Variants in BSCL2 observed in about 807,000 individuals in gnomAD.
BSCL2 encodes the protein BSCL2 lipid droplet biogenesis associated, seipin.
BSCL2 carries 41 observed loss-of-function variants against 57.4 expected under a neutral mutation model. The ratio of observed to expected loss-of-function variants is 0.71; its 90% confidence interval spans 0.56 to 0.93. BSCL2 has a LOEUF of 0.93. BSCL2 is among the 40% of genes least tolerant of loss of function. The pLI, the probability that BSCL2 is intolerant of heterozygous loss-of-function variation, is 0.00. For synonymous variants in BSCL2, 237 were observed against 227.3 expected, an observed-to-expected ratio of 1.04 and a Z score of -0.38; for missense variants, 539 against 586.7, an observed-to-expected ratio of 0.92 and a Z score of 0.84.
At chr11:62,693,525 C>T (rs981427266) in intron 4 of BSCL2, among the ~76,000 whole-genome samples, 2 of 152,102 alleles carry the variant, frequency 1.3e-5, no homozygotes, top group Non-Finnish European at 2.9e-5. Context: ...AAACATTAAA[C>T]AGCCACTATG....
chr11:62,700,931 C>T (rs746739707), intron 3 of BSCL2, among the ~76,000 whole-genome samples: 5 of 143,606 alleles, frequency 3.5e-5, no homozygotes, highest in Non-Finnish European at 7.5e-5. Flanking sequence ...CCAGTCTTGG[C>T]GACAGAGCAA....
chr11:62,697,117 G>A (rs962378146), intron 3 of BSCL2, among the ~76,000 whole-genome samples: 13 of 151,960 alleles, frequency 8.6e-5, no homozygotes, highest in South Asian at 6.2e-4. Context: ...CATGCCGGCC[G>A]GGCGCGGTGG....
At position 62,707,303 on chromosome 11, in the gene BSCL2, G is replaced by A. The variant is rs2083557620; in HGVS notation, c.-108C>T. 2 of 999,022 alleles carry A rather than the reference G, an allele frequency of 2.0e-6. No individual in the cohort carries two copies. The highest frequency in any genetic ancestry group is 1.6e-5 in the African/African-American group (1 of 62,530). The allele number at this position is 999,022 out of a possible 1,614,324, so 61.9% of individuals were successfully genotyped here. A position where few individuals can be genotyped will look rare whatever the true frequency, so the allele number is the denominator to read the frequency against. ...TACCTGTGGCGCATCACATTTTCCT[G>A]GATATGGAAAATGGAGGGTCCCTGG... On this transcript the variant is annotated 5_prime_UTR_variant, in exon 1 of 11. Transcript: ENST00000360796.
chr11:62,709,403 AAC>A (rs921809807), upstream of BSCL2: 2 of 453,996 alleles, frequency 4.4e-6, no homozygotes, highest in South Asian at 1.6e-5. Flanking sequence ...GCGAAGAGCA[AAC>A]ACACACACAC....
intron 3 of BSCL2, among the ~76,000 whole-genome samples, chr11:62,701,296 G>C (rs1218511959): frequency 6.6e-6 from 1 of 152,136 alleles, no homozygotes; most frequent in African/African-American, 2.4e-5. Context: ...ACCTGATACA[G>C]ATGGTCCTCA....
upstream of BSCL2, chr11:62,708,222 G>A: frequency 1.1e-6 from 1 of 940,472 alleles, no homozygotes; most frequent in South Asian, 1.3e-5. Context: ...GCCTTGTAAA[G>A]GTTGGTGTGG....
chr11:62,708,882 C>T (rs2083586780), upstream of BSCL2: 1 of 1,134,098 alleles, frequency 8.8e-7, no homozygotes, highest in Admixed American at 1.8e-5. Flanking sequence ...TTGTTGTGAG[C>T]CCCTTAGGCT....
At position 62,692,615 on chromosome 11, in the gene BSCL2, A is replaced by G. The variant is rs755254873; in HGVS notation, c.765+48T>C. On this transcript the variant is annotated intron_variant, in intron 5 of 10. Transcript: ENST00000360796. ...GGCTTCTCAGGTAGAATCCTGGGCTAATGGGAGGGGCTATCTCCTAGTCAT... is the reference window on the plus strand; with the variant it reads ...GGCTTCTCAGGTAGAATCCTGGGCTGATGGGAGGGGCTATCTCCTAGTCAT... 2.5e-6 allele frequency: 4 copies of G among 1,613,406 alleles called. No homozygotes were observed. The Admixed American group carries it at 6.7e-5, about 27-fold the overall frequency.
Position 62,690,645 on chromosome 11 carries a change from C to T in BSCL2, c.1201G>A (p.Gly401Arg), listed in dbSNP as rs138964424. 193 of 1,613,834 alleles carry T rather than the reference C, an allele frequency of 1.2e-4. No individual in the cohort carries two copies. Among genetic ancestry groups the T allele is most frequent in the Non-Finnish European group, 1.6e-4 (189 of 1,180,016 alleles). ...GCCTCAGGCTCTAGCTCCTCTTCTC[C>T]GCTCAGGGGCTGCTGATCTGGTTTC... is the stretch of plus-strand genomic sequence containing the variant. Reference protein sequence around the residue: ...EEKPDQQPLSGEEELEPEASD... With the variant: ...EEKPDQQPLSREEELEPEASD... Residue 401 changes from glycine to arginine, a missense_variant, in exon 10 of 11, where the codon GGA becomes AGA. By Grantham distance (125) the Gly-to-Arg change is moderately radical. This residue lies in a region of BSCL2 where 248 missense variants were observed against 239.9 expected (regional missense o/e 1.03). Coordinates refer to ENST00000360796, the MANE Select transcript of BSCL2 (RefSeq NM_001122955.4).
At position 62,702,268 on chromosome 11, in the gene BSCL2, G is replaced by A. The variant is rs187887018; in HGVS notation, c.486+200C>T. On this transcript the variant is annotated intron_variant, in intron 3 of 10. Coordinates refer to ENST00000360796, the MANE Select transcript of BSCL2 (RefSeq NM_001122955.4). ...TTTAGTAGAGACGGGGTTTCTCCGC[G>A]TTGGTCAGGCTGGTCTCGAACTCCC... Among the ~76,000 whole-genome samples the A allele has an allele frequency of 3.2e-3, 488 of 152,152 alleles. 4 individuals are homozygous for A. Among genetic ancestry groups the A allele is most frequent in the Middle Eastern group, 6.8e-3 (2 of 294 alleles).
At chr11:62,697,120 C>T (rs1294534219) in intron 3 of BSCL2, among the ~76,000 whole-genome samples, 10 of 151,980 alleles carry the variant, frequency 6.6e-5, no homozygotes, top group African/African-American at 1.9e-4. Context: ...GCCGGCCGGG[C>T]GCGGTGGCTC....
Position 62,699,094 on chromosome 11 carries a change from C to T in BSCL2, c.486+3374G>A, listed in dbSNP as rs148547949. 5.5e-3 allele frequency among the ~76,000 whole-genome samples: 833 copies of T among 152,128 alleles called. 6 individuals carry two copies. The highest frequency in any genetic ancestry group is 0.015 in the African/African-American group (632 of 41,532). Reference sequence around the variant, plus strand: ...CTAATTTTTGTATTTTTAGTAGAGACGGGGTTTCACCAGTTGGCCAGGATG... The same window carrying T: ...CTAATTTTTGTATTTTTAGTAGAGATGGGGTTTCACCAGTTGGCCAGGATG... On this transcript the variant is annotated intron_variant, in intron 3 of 10. Coordinates refer to ENST00000360796, the MANE Select transcript of BSCL2 (RefSeq NM_001122955.4).
In BSCL2 at chr11:62,691,123, C is replaced by G. The variant is rs1222755300; in HGVS notation, c.1024G>C (p.Asp342His). 2.5e-6 allele frequency: 4 copies of G among 1,614,122 alleles called. No homozygotes were observed. Among genetic ancestry groups the G allele is most frequent in the African/African-American group, 2.7e-5 (2 of 74,942 alleles). The change falls in exon 8 of 11, where the codon GAC becomes CAC. Residue 342 changes from aspartate to histidine, a missense_variant. By Grantham distance (81) the Asp-to-His change is moderately conservative. Around this residue, in one of 3 missense-constraint regions of BSCL2, gnomAD observed 248 missense variants for 239.9 expected, o/e 1.03. Coordinates refer to ENST00000360796, the MANE Select transcript of BSCL2 (RefSeq NM_001122955.4). ...CGTTGGACTTCCTTCCGGGAATTGTCTCTTTTTCGGATGTTAACCTGTGGA... is the reference window on the plus strand; with the variant it reads ...CGTTGGACTTCCTTCCGGGAATTGTGTCTTTTTCGGATGTTAACCTGTGGA... ...FSLQVNIRKR[D>H]NSRKEVQRRI...
rs183659840 is a variant in BSCL2, at chr11:62,706,694, C to A, written c.87+415G>T. The A allele has an allele frequency of 3.3e-5, 16 of 482,452 alleles. No individual in the cohort carries two copies. The East Asian group carries it at 1.1e-3, about 32-fold the overall frequency. 29.9% of individuals were successfully genotyped at this position (482,452 alleles called of 1,614,324 possible). A position where few individuals can be genotyped will look rare whatever the true frequency, so the allele number is the denominator to read the frequency against. Reference sequence around the variant, plus strand: ...GCGCTGATTTTTATCGCCCACAGCTCCTAGGACCTGTAGGCATCTAAGGCG... The same window carrying A: ...GCGCTGATTTTTATCGCCCACAGCTACTAGGACCTGTAGGCATCTAAGGCG... On this transcript the variant is annotated intron_variant, in intron 1 of 10. Transcript: ENST00000360796.
upstream of BSCL2, chr11:62,709,176 G>T: frequency 2.2e-6 from 1 of 461,872 alleles, no homozygotes; most frequent in South Asian, 1.5e-5. Context: ...AAAGCCATTT[G>T]AAGAATAAAG....
At chr11:62,695,895 C>T (rs922713346) in intron 3 of BSCL2, among the ~76,000 whole-genome samples, 9 of 151,648 alleles carry the variant, frequency 5.9e-5, no homozygotes, top group African/African-American at 9.7e-5. Flanking sequence ...ATCTGTTGGC[C>T]GGGCGCGGTT....
At chr11:62,702,627 C>T (rs1054546962) in intron 2 of BSCL2, 78 bp from the exon 3 acceptor site, 340 of 1,217,702 alleles carry the variant, frequency 2.8e-4, no homozygotes, top group Non-Finnish European at 3.8e-4. Context: ...CCCCCTAGGG[C>T]TCCCTCCTGC....
chr11:62,709,211 CTG>C (rs2083592478), upstream of BSCL2: 3 of 456,194 alleles, frequency 6.6e-6, no homozygotes, highest in South Asian at 1.6e-5. Context: ...AGGACAGCTC[CTG>C]TGTTAGAATT....
chr11:62,693,658 G>A (rs566604427), intron 4 of BSCL2, among the ~76,000 whole-genome samples: 7 of 152,132 alleles, frequency 4.6e-5, no homozygotes, highest in Non-Finnish European at 7.3e-5. Context: ...CCCACAGCTA[G>A]CTTGTTTCTG....
Sources: allele counts gnomAD v4.1 joint callset (sites outside exome capture counted in the v4.1 genomes callset), GRCh38; gene constraint gnomAD v4.1.1; regional missense constraint gnomAD v4.1.1; transcripts MANE v1.5; gene names NCBI Gene and HGNC (gene_info 2026-07-23, HGNC 2026-07-21).